SHQ1: variants seen among roughly 807,000 people sequenced by gnomAD.
SHQ1 encodes SHQ1, H/ACA ribonucleoprotein assembly factor, also known as protein SHQ1 homolog.
A neutral mutation model predicts 53.8 loss-of-function variants in SHQ1; 49 were observed. The ratio of observed to expected loss-of-function variants is 0.91; its 90% CI spans 0.72 to 1.16. The LOEUF is 1.16. Among genes scored for constraint, SHQ1 ranks in the 50% most tolerant of loss-of-function variants. SHQ1 has a pLI of 0.00. For missense variants in SHQ1, 738 were observed against 683.1 expected (o/e 1.08, Z -0.90); for synonymous variants, 243 against 251.0 (o/e 0.97, Z 0.30).
chr3:72,735,955 T>G, the SHQ1 span, among the ~76,000 whole-genome samples: 2 of 152,104 alleles, frequency 1.3e-5, no homozygotes, highest in Non-Finnish European at 2.9e-5. Context: ...ATGCAATTTC[T>G]TTTCCAGAAA....
At chr3:72,758,417 ACAT>A (rs1705541520) in intron 10 of SHQ1, among the ~76,000 whole-genome samples, 1 of 152,172 alleles carries the variant, frequency 6.6e-6, no homozygotes, top group South Asian at 2.1e-4. Flanking sequence ...GCTCTGAGAA[ACAT>A]CATCTAGTCC....
intron 5 of SHQ1, among the ~76,000 whole-genome samples, chr3:72,828,973 G>C (rs1212023188): frequency 6.6e-6 from 1 of 151,974 alleles, no homozygotes; most frequent in Non-Finnish European, 1.5e-5. Context: ...CTAGAAGCAG[G>C]GATGCCAGTT....
chr3:72,829,200 CT>C (rs1245194071), intron 5 of SHQ1, among the ~76,000 whole-genome samples: 1 of 152,172 alleles, frequency 6.6e-6, no homozygotes, highest in African/African-American at 2.4e-5. Context: ...TTCACAAAGA[CT>C]TTAGAAGTAA....
At chr3:72,751,543 C>CAA (rs1705382727) in intron 10 of SHQ1, among the ~76,000 whole-genome samples, 1 of 116,836 alleles carries the variant, frequency 8.6e-6, no homozygotes, top group African/African-American at 4.7e-5. Flanking sequence ...TATACATACA[C>CAA]TAATAAAGCC....
intron 10 of SHQ1, among the ~76,000 whole-genome samples, chr3:72,765,006 G>A (rs1406952783): frequency 6.6e-6 from 1 of 152,148 alleles, no homozygotes; most frequent in East Asian, 1.9e-4. Context: ...CAGAGCATGA[G>A]GATGAATCTC....
At chr3:72,729,467 G>T in the SHQ1 span, among the ~76,000 whole-genome samples, 1 of 152,188 alleles carries the variant, frequency 6.6e-6, no homozygotes, top group African/African-American at 2.4e-5. Context: ...CACGCCTATA[G>T]CCACAAATTC....
intron 10 of SHQ1, among the ~76,000 whole-genome samples, chr3:72,781,495 G>A (rs1706072956): frequency 6.6e-6 from 1 of 152,102 alleles, no homozygotes; most frequent in Non-Finnish European, 1.5e-5. Flanking sequence ...TTTAAGTCAG[G>A]TAGTTAATTT....
chr3:72,846,412 A>C, intron 1 of SHQ1: 24 of 1,033,970 alleles, frequency 2.3e-5, no homozygotes, highest in Non-Finnish European at 2.9e-5. Context: ...CTCTCACCTC[A>C]AGCTTCCCAA....
the SHQ1 span, among the ~76,000 whole-genome samples, chr3:72,737,522 C>T: frequency 1.3e-5 from 2 of 152,116 alleles, no homozygotes; most frequent in South Asian, 2.1e-4. Context: ...TATCTGCAAG[C>T]GATTGGTTCC....
chr3:72,827,834 A>G (rs150667942), intron 5 of SHQ1, among the ~76,000 whole-genome samples: 6,891 of 147,776 alleles, frequency 0.047, 448 homozygotes, highest in African/African-American at 0.15. Context: ...GGCTCACTGC[A>G]AGCTCCGCCT....
Position 72,753,050 on chromosome 3 carries a change from C to T in SHQ1, c.1182-2214G>A, listed in dbSNP as rs1272736645. 3 of 985,102 alleles carry T rather than the reference C, an allele frequency of 3.0e-6. No homozygotes were observed. The South Asian group carries it at 1.4e-4, about 46-fold the overall frequency. The allele number at this position is 985,102 out of a possible 1,614,324, so 61.0% of individuals were successfully genotyped here. A position where few individuals can be genotyped will look rare whatever the true frequency, so the allele number is the denominator to read the frequency against. ...AACTTTTCCATTATTAACTTGGATG[C>T]ATTTAGTTGTTTTTTGTTTCTAAAA... On this transcript the variant is annotated intron_variant, in intron 10 of 10. Coordinates refer to ENST00000325599, the MANE Select transcript of SHQ1 (RefSeq NM_018130.3).
chr3:72,754,281 T>C (rs1705452511), intron 10 of SHQ1, among the ~76,000 whole-genome samples: 2 of 152,060 alleles, frequency 1.3e-5, no homozygotes, highest in Admixed American at 1.3e-4. Flanking sequence ...CGGTCACGAC[T>C]GGAAACCCAA....
the SHQ1 span, among the ~76,000 whole-genome samples, chr3:72,743,096 C>T: frequency 1.3e-5 from 2 of 152,116 alleles, no homozygotes; most frequent in Non-Finnish European, 2.9e-5. Flanking sequence ...AATGAAAAGT[C>T]GGCAGCCTTA....
chr3:72,757,347 G>A (rs994685211), intron 10 of SHQ1, among the ~76,000 whole-genome samples: 3 of 151,476 alleles, frequency 2.0e-5, no homozygotes, highest in Admixed American at 6.6e-5. Context: ...GGTTCTATCT[G>A]GGACCAAACA....
intron 10 of SHQ1, chr3:72,753,705 G>A: frequency 1.2e-6 from 1 of 868,084 alleles, no homozygotes; most frequent in Non-Finnish European, 1.4e-6. Context: ...ATCCACTAGA[G>A]TCAGTTAATG....
intron 10 of SHQ1, among the ~76,000 whole-genome samples, chr3:72,781,782 A>G (rs1378677235): frequency 2.0e-5 from 3 of 151,976 alleles, no homozygotes; most frequent in Non-Finnish European, 4.4e-5. Context: ...ATATCACATC[A>G]CTAAAAAAAA....
chr3:72,838,405 T>C (rs1708062171), intron 4 of SHQ1, among the ~76,000 whole-genome samples: 1 of 152,262 alleles, frequency 6.6e-6, no homozygotes, highest in Admixed American at 6.5e-5. Flanking sequence ...AGCAATGCTC[T>C]TGCAATTAAA....
At chr3:72,825,138 G>C (rs181152337) in intron 5 of SHQ1, among the ~76,000 whole-genome samples, 6 of 152,028 alleles carry the variant, frequency 3.9e-5, no homozygotes, top group Non-Finnish European at 8.8e-5. Context: ...ATAGAAGACT[G>C]GTCCTACCCT....
chr3:72,745,820 C>T (rs1225981362), downstream of SHQ1, among the ~76,000 whole-genome samples: 1 of 151,720 alleles, frequency 6.6e-6, no homozygotes, highest in Non-Finnish European at 1.5e-5. Context: ...CCACCCTGAA[C>T]GCGCCTGATC....
Sources: gnomAD v4.1 joint callset for allele counts (sites outside exome capture counted in the v4.1 genomes callset) on GRCh38, gnomAD v4.1.1 for gene constraint, MANE v1.5 for transcripts, NCBI Gene and HGNC (gene_info 2026-07-23, HGNC 2026-07-21) for gene names.